KANK2: variants seen among roughly 807,000 people sequenced by gnomAD.
KANK2 encodes KN motif and ankyrin repeat domains 2, also known as KN motif and ankyrin repeat domain-containing protein 2.
KANK2 carries 41 observed loss-of-function variants against 74.6 expected under a neutral mutation model. The observed-to-expected ratio is 0.55, with a 90% CI of 0.43 to 0.71. The LOEUF is 0.71. Ranked by LOEUF, KANK2 falls within the 30% of genes least tolerant of loss-of-function variation. KANK2 has a pLI of 0.00. For synonymous variants in KANK2, 537 were observed against 519.0 expected (o/e 1.03, Z -0.47); for missense variants, 1,148 against 1,196.4 (o/e 0.96, Z 0.60).
In KANK2 at chr19:11,193,906, C is replaced by T. The variant is rs779215990; in HGVS notation, c.174G>A (p.Thr58=). 25 of 1,613,812 alleles carry T rather than the reference C, an allele frequency of 1.5e-5. No individual in the cohort carries two copies. The highest frequency in any genetic ancestry group is 1.6e-5 in the Non-Finnish European group (19 of 1,179,982). ...GGCGCTGCACTGCCACGCGTCGCAG[C>T]GTGTGGCCCTTCTCGATGTCATCCA... ...KYVDDIEKGH[T]LRRVAVQRRP... The change falls in exon 4 of 13, where the codon ACG becomes ACA. Residue 58 remains threonine (T), a synonymous_variant. Coordinates refer to ENST00000586659, the MANE Select transcript of KANK2 (RefSeq NM_001136191.3). The surrounding 1 kb of genome is among the most constrained non-coding windows in gnomAD (Gnocchi z 9.6).
In KANK2 at chr19:11,165,578, C is replaced by T. The variant is rs4804571; in HGVS notation, c.*980G>A. 0.78 allele frequency: 117,810 copies of T among 151,392 alleles called. 46,145 individuals carry two copies. The highest frequency in any genetic ancestry group is 0.83 in the African/African-American group (34,281 of 41,252). The allele number at this position is 151,392 out of a possible 1,614,324, so 9.4% of individuals were successfully genotyped here. A position where few individuals can be genotyped will look rare whatever the true frequency, so the allele number is the denominator to read the frequency against. On this transcript the variant is annotated 3_prime_UTR_variant, in exon 13 of 13. Transcript: ENST00000586659. Reference sequence around the variant, plus strand: ...GTTTCTGGGTAATTTGTCTCTTTTTCTTTTCTTTCTTGAGACAGGGTCTCG... The same window carrying T: ...GTTTCTGGGTAATTTGTCTCTTTTTTTTTTCTTTCTTGAGACAGGGTCTCG...
At position 11,178,384 on chromosome 19, in the gene KANK2, G is replaced by A; in HGVS notation, c.1481C>T (p.Ala494Val). 6.4e-7 allele frequency: 1 copy of A among 1,560,462 alleles called. No individual in the cohort carries two copies. The highest frequency in any genetic ancestry group is 1.2e-5 in the South Asian group (1 of 82,716). ...KRKEEVADPT[A>V]HRRSLQFVGV... ...CACGAACTGGAGGCTCCTCCGGTGG[G>A]CCGTGGGGTCTGCAACCTCCTCTTT... is the stretch of plus-strand genomic sequence containing the variant. The change falls in exon 6 of 13, where the codon GCC becomes GTC. Residue 494 changes from alanine (A) to valine (V), a missense_variant. By Grantham distance (64) the Ala-to-Val change is moderately conservative (BLOSUM62 0). Transcript: ENST00000586659.
intron 8 of KANK2, among the ~76,000 whole-genome samples, chr19:11,175,424 T>C (rs2078306835): frequency 1.6e-5 from 1 of 64,258 alleles, no homozygotes; most frequent in Non-Finnish European, 2.6e-5. Context: ...CAAGACTCCC[T>C]CTCAAAAAAA....
At chr19:11,177,704 G>T (rs147415078) in intron 6 of KANK2, among the ~76,000 whole-genome samples, 1 of 152,222 alleles carries the variant, frequency 6.6e-6, no homozygotes, top group South Asian at 2.1e-4. Context: ...ACTGCAAATA[G>T]GGCTCTCTCG....
chr19:11,174,951 C>T (rs533761892), intron 8 of KANK2, among the ~76,000 whole-genome samples: 111 of 146,670 alleles, frequency 7.6e-4, no homozygotes, highest in African/African-American at 2.9e-3. Flanking sequence ...TAATTTCTCT[C>T]TCTCTCTTTT....
chr19:11,185,945 C>T (rs1176245013), intron 4 of KANK2, among the ~76,000 whole-genome samples: 1 of 152,150 alleles, frequency 6.6e-6, no homozygotes, highest in Non-Finnish European at 1.5e-5. Flanking sequence ...GTGGAGGGAT[C>T]ACTTGAGCCC....
intron 3 of KANK2, 132 bp downstream of exon 3, chr19:11,194,343 C>T (rs915871058): frequency 4.1e-5 from 30 of 731,166 alleles, no homozygotes; most frequent in East Asian, 3.9e-4. Flanking sequence ...CAGGACTCTG[C>T]CTCCTCCCTC....
At chr19:11,194,633 G>GGGGGA (rs1239957796) in intron 2 of KANK2, 43 bp from the exon 3 acceptor site, 7 of 770,808 alleles carry the variant, frequency 9.1e-6, no homozygotes, top group Non-Finnish European at 1.6e-5. Context: ...GGAGTCTGTA[G>GGGGGA]GGGGAGGGGA....
chr19:11,188,406 T>C (rs547920631), intron 4 of KANK2, among the ~76,000 whole-genome samples: 47 of 151,860 alleles, frequency 3.1e-4, no homozygotes, highest in Admixed American at 2.0e-3. Context: ...GTTTTTGCCA[T>C]GTTGCCCAAG....
Position 11,192,883 on chromosome 19 carries a change from G to A in KANK2, c.1197C>T (p.Val399=). ...TGATGCTAATCTTCTTCACCATATG[G>A]ACGTTGCTGGTAGCTGCAGCGGGCA... ...CPVPAAATSN[V]HMVKKISITE... The change falls in exon 4 of 13, where the codon GTC becomes GTT. Residue 399 remains valine (V), a synonymous_variant. Transcript: ENST00000586659. 6.2e-7 allele frequency: 1 copy of A among 1,614,038 alleles called. No individual in the cohort carries two copies. Among genetic ancestry groups the A allele is most frequent in the Non-Finnish European group, 8.5e-7 (1 of 1,179,994 alleles).
rs1226956632 is a variant in KANK2, at chr19:11,166,367, A to C, written c.*191T>G. ...CCACTTTGAACAGGGGAGCCAAGAA[A>C]ACCCACTTGGAGCTGGAGTCCTGTG... On this transcript the variant is annotated 3_prime_UTR_variant, in exon 13 of 13. Coordinates refer to ENST00000586659, the MANE Select transcript of KANK2 (RefSeq NM_001136191.3). The C allele has an allele frequency of 8.5e-6, 5 of 588,650 alleles. No homozygotes were observed. In the African/African-American group the frequency reaches 9.4e-5, roughly 11 times the overall value. The allele number at this position is 588,650 out of a possible 1,614,324, so 36.5% of individuals were successfully genotyped here.
intron 8 of KANK2, among the ~76,000 whole-genome samples, chr19:11,175,246 G>A (rs1392033937): frequency 6.6e-6 from 1 of 151,562 alleles, no homozygotes; most frequent in African/African-American, 2.4e-5. Context: ...GCCCAACATG[G>A]TGAAACCCCA....
At chr19:11,172,737 G>A (rs1166285266) in intron 10 of KANK2, among the ~76,000 whole-genome samples, 1 of 152,154 alleles carries the variant, frequency 6.6e-6, no homozygotes, top group Non-Finnish European at 1.5e-5. Flanking sequence ...TCGGCCCAGG[G>A]AACCCAGCTG....
chr19:11,184,569 T>C (rs2147525901), intron 4 of KANK2, among the ~76,000 whole-genome samples: 1 of 149,976 alleles, frequency 6.7e-6, no homozygotes, highest in South Asian at 2.1e-4. Flanking sequence ...ACTGCTCAAC[T>C]GTGGCATAGT....
chr19:11,193,448 A>G lies in KANK2; in HGVS notation c.632T>C (p.Val211Ala). Residue 211 changes from valine to alanine, a missense_variant, in exon 4 of 13, where the codon GTG becomes GCG. Val to Ala is a moderately conservative substitution (Grantham distance 64). Transcript: ENST00000586659. This position sits in a 1 kb window ranked among gnomAD's most constrained non-coding sequence, Gnocchi z 9.6. ...QLEEQVKLIP[V>A]LQVKLSVLQE... The stretch of plus-strand genomic sequence containing the variant: ...GAGCACCGAGAGCTTCACCTGGAGC[A>G]CAGGGATCAGCTTCACCTGCTCCTC... The G allele has an allele frequency of 4.3e-6, 7 of 1,612,110 alleles. No homozygotes were observed. Among genetic ancestry groups the G allele is most frequent in the Non-Finnish European group, 5.9e-6 (7 of 1,179,920 alleles).
chr19:11,168,788 A>G (rs1481477601), intron 12 of KANK2, among the ~76,000 whole-genome samples: 1 of 152,184 alleles, frequency 6.6e-6, no homozygotes, highest in Non-Finnish European at 1.5e-5. Flanking sequence ...AACCATGACC[A>G]TGCAGCCTCT....
rs1249489152 is a variant in KANK2 at position 11,178,593 on chromosome 19, C to G, written c.1377G>C (p.Arg459Ser). Residue 459 changes from arginine to serine, a missense_variant, in exon 5 of 13, where the codon AGG becomes AGC. By Grantham distance (110) the Arg-to-Ser change is moderately radical. Coordinates refer to ENST00000586659, the MANE Select transcript of KANK2 (RefSeq NM_001136191.3). ...CCTCGGACTCTTGGGAGGCTGCTTG[C>G]CTGGTGGGCTCCCTGTGGGTGGGCT... The part of the protein sequence containing the change: ...TQEPTHREPT[R>S]QAASQESEEA... The G allele has an allele frequency of 2.5e-6, 4 of 1,604,662 alleles. No homozygotes were observed. The highest frequency in any genetic ancestry group is 8.5e-7 in the Non-Finnish European group (1 of 1,176,344).
At chr19:11,191,528 T>C (rs1027464322) in intron 4 of KANK2, among the ~76,000 whole-genome samples, 5 of 152,178 alleles carry the variant, frequency 3.3e-5, no homozygotes, top group Non-Finnish European at 7.4e-5. Context: ...CCGGCGTCCA[T>C]GGCTAGGCAG....
intron 4 of KANK2, among the ~76,000 whole-genome samples, chr19:11,186,809 A>G (rs532694042): frequency 2.0e-5 from 3 of 152,390 alleles, no homozygotes; most frequent in African/African-American, 7.2e-5. Flanking sequence ...GGATAGGGAC[A>G]GCCTTTTTTG....
Sources: gnomAD v4.1 joint callset for allele counts (sites outside exome capture counted in the v4.1 genomes callset) on GRCh38, gnomAD v4.1.1 for gene constraint, Gnocchi (gnomAD v3.1) non-coding constraint, MANE v1.5 for transcripts, NCBI Gene and HGNC (gene_info 2026-07-23, HGNC 2026-07-21) for gene names.